Variants in DMD observed in about 807,000 individuals in gnomAD.
DMD encodes the protein dystrophin, also known as mutant dystrophin.
DMD carries 63 observed loss-of-function variants against 330.1 expected under a neutral mutation model. The observed-to-expected ratio is 0.19, with a 90% CI of 0.16 to 0.24. DMD has a LOEUF of 0.24. Among genes scored for constraint, DMD ranks in the 10% least tolerant of loss-of-function variants. The probability of loss-of-function intolerance (pLI) is 1.00; values close to 1 mark genes in which losing one functional copy is unlikely to be tolerated. For synonymous variants in DMD, 1,223 were observed against 959.8 expected (o/e 1.27, Z -5.07); for missense variants, 3,344 against 2,684.1 (o/e 1.25, Z -5.43).
At chrX:33,263,921 A>G (rs1215418314) in intron 1 of DMD, among the ~76,000 whole-genome samples, 1 of 111,270 alleles carries the variant, frequency 9.0e-6, no homozygotes, top group Non-Finnish European at 1.9e-5. Flanking sequence ...AAATTGCACA[A>G]ATATACAAGT....
intron 2 of DMD, among the ~76,000 whole-genome samples, chrX:32,862,644 CAA>C (rs2082156229): frequency 9.0e-6 from 1 of 111,721 alleles, no homozygotes; most frequent in African/African-American, 3.3e-5. Context: ...ATGTAATTCA[CAA>C]AGTTATTTTA....
At position 31,478,218 on chromosome X, in the gene DMD, G is replaced by A; in HGVS notation, c.8825C>T (p.Ala2942Val). Residue 2942 changes from alanine (A) to valine (V), a missense_variant, in exon 59 of 79, where the codon GCC becomes GTC. Coordinates refer to ENST00000357033, the MANE Select transcript of DMD (RefSeq NM_004006.3). ...TLERLRELQE[A>V]TDELDLKLRQ... The stretch of plus-strand genomic sequence containing the variant: ...CAGCTTGAGGTCCAGCTCATCCGTG[G>A]CCTCTTGAAGTTCCCGGAGTCTTTC... 8.3e-7 allele frequency: 1 copy of A among 1,211,117 alleles called. No individual in the cohort carries two copies.
At chrX:32,443,466 T>C (rs1244597576) in intron 27 of DMD, among the ~76,000 whole-genome samples, 1 of 111,451 alleles carries the variant, frequency 9.0e-6, no homozygotes. Flanking sequence ...GTCTTCATTC[T>C]GGGCAAAGAT....
chrX:31,850,875 A>G (rs933113983), intron 48 of DMD, among the ~76,000 whole-genome samples: 13 of 112,773 alleles, frequency 1.2e-4, no homozygotes, highest in African/African-American at 4.2e-4. Context: ...CAAAAAAACC[A>G]AAGTAAGCCT....
chrX:32,307,721 G>A (rs192675591), intron 42 of DMD, among the ~76,000 whole-genome samples: 133 of 111,329 alleles, frequency 1.2e-3, no homozygotes, highest in African/African-American at 4.0e-3. Flanking sequence ...TAAAACTTAC[G>A]ATGCTAAGAA....
chrX:33,291,184 G>A (rs752169515), intron 1 of DMD, among the ~76,000 whole-genome samples: 1 of 111,421 alleles, frequency 9.0e-6, no homozygotes, highest in South Asian at 3.7e-4. Context: ...ATGCAGAAAA[G>A]GCCTTCGATA....
At chrX:31,333,861 C>G (rs188266473) in intron 61 of DMD, among the ~76,000 whole-genome samples, 6 of 111,448 alleles carry the variant, frequency 5.4e-5, no homozygotes, top group East Asian at 2.8e-4. Context: ...ATTATACATA[C>G]GTAAGAAATC....
At chrX:32,566,588 C>A (rs1569216197) in intron 15 of DMD, among the ~76,000 whole-genome samples, 1 of 112,333 alleles carries the variant, frequency 8.9e-6, no homozygotes, top group Non-Finnish European at 1.9e-5. Flanking sequence ...GCTTCAGCAT[C>A]TCTTTTCAGA....
chrX:31,652,602 A>G (rs186746966), intron 54 of DMD, among the ~76,000 whole-genome samples: 1 of 112,230 alleles, frequency 8.9e-6, no homozygotes, highest in East Asian at 2.8e-4. Context: ...GATTAGAGAA[A>G]TGAGATATTC....
chrX:32,294,860 G>A (rs192123207), intron 42 of DMD, among the ~76,000 whole-genome samples: 1 of 111,447 alleles, frequency 9.0e-6, no homozygotes, highest in African/African-American at 3.3e-5. Flanking sequence ...ATCTCTGATA[G>A]TATTTTACTA....
chrX:32,921,545 G>A (rs1178174624), intron 2 of DMD, among the ~76,000 whole-genome samples: 1 of 111,510 alleles, frequency 9.0e-6, no homozygotes, highest in Non-Finnish European at 1.9e-5. Context: ...ACGTGGCCAT[G>A]TGTATGACTA....
chrX:31,487,607 T>C (rs1178183471), intron 57 of DMD, among the ~76,000 whole-genome samples: 2 of 111,811 alleles, frequency 1.8e-5, no homozygotes, highest in Non-Finnish European at 3.8e-5. Context: ...TGAAACTTTA[T>C]ATCCATTGAG....
At chrX:33,297,314 G>C (rs186365953) in intron 1 of DMD, among the ~76,000 whole-genome samples, 123 of 110,235 alleles carry the variant, frequency 1.1e-3, no homozygotes, top group African/African-American at 3.9e-3. Flanking sequence ...TAAAAAGTTT[G>C]TCTCATTGTA....
At chrX:32,745,277 A>G (rs755916312) in intron 7 of DMD, among the ~76,000 whole-genome samples, 1 of 112,272 alleles carries the variant, frequency 8.9e-6, no homozygotes, top group Non-Finnish European at 1.9e-5. Flanking sequence ...ATGCTCTATA[A>G]AACTATTGTC....
At chrX:32,254,168 A>G (rs1346527957) in intron 43 of DMD, among the ~76,000 whole-genome samples, 3 of 111,193 alleles carry the variant, frequency 2.7e-5, no homozygotes, top group African/African-American at 9.8e-5. Flanking sequence ...CAGCCTCCCA[A>G]GTAGCTGGGA....
intron 55 of DMD, among the ~76,000 whole-genome samples, chrX:31,585,061 C>T (rs2076525452): frequency 9.1e-6 from 1 of 110,418 alleles, no homozygotes; most frequent in Non-Finnish European, 1.9e-5. Context: ...GTGGCTCACA[C>T]CTGTAATCCC....
At chrX:31,453,778 A>AAAAAAAAAAAAAAAC (rs2065945321) in intron 59 of DMD, among the ~76,000 whole-genome samples, 6 of 103,966 alleles carry the variant, frequency 5.8e-5, no homozygotes, top group Admixed American at 1.0e-4. Context: ...AAAAAAAAAA[A>AAAAAAAAAAAAAAAC]AAAAAAAAAA....
At chrX:32,795,674 G>C (rs1217819541) in intron 7 of DMD, among the ~76,000 whole-genome samples, 7 of 112,090 alleles carry the variant, frequency 6.2e-5, no homozygotes, top group African/African-American at 2.3e-4. Flanking sequence ...AGAGTGAAGA[G>C]ACAACCTGCT....
At chrX:31,171,341 G>A (rs1196727393) in intron 73 of DMD, among the ~76,000 whole-genome samples, 1 of 111,416 alleles carries the variant, frequency 9.0e-6, no homozygotes. Flanking sequence ...ATGCCACTTT[G>A]ATACTATTTC....
Sources: allele counts gnomAD v4.1 joint callset (sites outside exome capture counted in the v4.1 genomes callset), GRCh38; gene constraint gnomAD v4.1.1; transcripts MANE v1.5; gene names NCBI Gene and HGNC (gene_info 2026-07-23, HGNC 2026-07-21).